Variants in FANCL observed in about 807,000 individuals in gnomAD.
The protein encoded by FANCL is FA complementation group L, also known as E3 ubiquitin-protein ligase FANCL.
Under a neutral mutation model 59.4 loss-of-function variants are expected in FANCL, and 69 were observed. The ratio of observed to expected loss-of-function variants is 1.16; its 90% CI spans 0.96 to 1.42. The LOEUF (loss-of-function observed/expected upper bound fraction) is 1.42, where lower values mean the gene tolerates loss of function less well. Ranked by LOEUF, FANCL falls within the 40% of genes most tolerant of loss-of-function variation. The pLI, the probability that FANCL is intolerant of heterozygous loss-of-function variation, is 0.00. For synonymous variants in FANCL, 180 were observed against 147.1 expected, an observed-to-expected ratio of 1.22 and a Z score of -1.62; for missense variants, 519 against 447.2, an observed-to-expected ratio of 1.16 and a Z score of -1.45.
intron 4 of FANCL, among the ~76,000 whole-genome samples, chr2:58,224,658 A>C (rs1362966742): frequency 6.6e-6 from 1 of 151,900 alleles, no homozygotes; most frequent in Non-Finnish European, 1.5e-5. Context: ...AAAACTTTCC[A>C]TTGTTAGCAA....
chr2:58,214,024 T>C (rs575194035), intron 5 of FANCL, among the ~76,000 whole-genome samples: 1 of 152,288 alleles, frequency 6.6e-6, no homozygotes, highest in South Asian at 2.1e-4. Flanking sequence ...GCCCTGTCTA[T>C]ATACACTTGT....
intron 6 of FANCL, among the ~76,000 whole-genome samples, chr2:58,203,037 A>C (rs1573694377): frequency 6.6e-6 from 1 of 151,652 alleles, no homozygotes; most frequent in Admixed American, 6.6e-5. Context: ...AAAAAAAAAA[A>C]AAAAGCACAC....
intron 7 of FANCL, among the ~76,000 whole-genome samples, chr2:58,174,637 C>T (rs1313539812): frequency 6.6e-6 from 1 of 152,048 alleles, no homozygotes; most frequent in African/African-American, 2.4e-5. Context: ...ACATTCAAAG[C>T]AGTGTGTAGA....
Position 58,229,845 on chromosome 2 carries a change from A to G in FANCL, c.185T>C (p.Ile62Thr). The G allele has an allele frequency of 6.2e-7, 1 of 1,611,260 alleles. No individual in the cohort carries two copies. ...TACTATTCGATGGTATCCACTAAGT[A>G]TTGTTCTCAGCTGCCAACTACATAA... ...RLLCSWQLRT[I>T]LSGYHRIVQQ... Residue 62 changes from isoleucine to threonine, a missense_variant, in exon 3 of 14, where the codon ATA (isoleucine) becomes ACA (threonine). Coordinates refer to ENST00000233741, the MANE Select transcript of FANCL (RefSeq NM_018062.4).
At chr2:58,172,206 G>A (rs1686717188) in intron 7 of FANCL, among the ~76,000 whole-genome samples, 1 of 152,252 alleles carries the variant, frequency 6.6e-6, no homozygotes, top group South Asian at 2.1e-4. Flanking sequence ...AGTAACCTCT[G>A]CAGACTTAAA....
In FANCL at chr2:58,163,507, A is replaced by G. The variant is rs1382419918; in HGVS notation, c.702T>C (p.Val234=). The change falls in exon 9 of 14, where the codon GTT becomes GTC. Residue 234 remains valine, a synonymous_variant. Coordinates refer to ENST00000233741, the MANE Select transcript of FANCL (RefSeq NM_018062.4). ...TARRIALGNN[V]SINIEVDPRH... ...TGGGGTCTACCTCTATATTTATGGA[A>G]ACATTATTACCTAGAATGAAACAAG... 2 of 1,594,192 alleles carry G rather than the reference A, an allele frequency of 1.3e-6. No homozygotes were observed. Among genetic ancestry groups the G allele is most frequent in the African/African-American group, 1.3e-5 (1 of 74,472 alleles).
chr2:58,228,342 G>A (rs1161844532), intron 3 of FANCL, among the ~76,000 whole-genome samples: 1 of 152,138 alleles, frequency 6.6e-6, no homozygotes, highest in Non-Finnish European at 1.5e-5. Context: ...GAACACATAT[G>A]ATTCACATCT....
At chr2:58,180,307 C>T (rs1687802773) in intron 7 of FANCL, among the ~76,000 whole-genome samples, 1 of 152,112 alleles carries the variant, frequency 6.6e-6, no homozygotes, top group Admixed American at 6.6e-5. Context: ...ATAGCAAAGA[C>T]TTGAAACCAA....
At chr2:58,238,923 C>T (rs539674506) in intron 1 of FANCL, among the ~76,000 whole-genome samples, 103 of 152,176 alleles carry the variant, frequency 6.8e-4, no homozygotes, top group African/African-American at 2.4e-3. Context: ...ATAAAACCTG[C>T]TCACTGGCCA....
At position 58,162,940 on chromosome 2, in the gene FANCL, C is replaced by G. The variant is rs1400095730; in HGVS notation, c.829G>C (p.Glu277Gln). ...LSRNIHLWDP[E>Q]NSVLQNLKDV... ...TTCAAATTTTGTAACACACTATTTT[C>G]TGGATCCCTGAAAGCATGGGGAAAA... The change falls in exon 11 of 14, where the codon GAA becomes CAA. Residue 277 changes from glutamate to glutamine, a missense_variant. Physicochemically the swap from Glu to Gln is conservative, Grantham distance 29. Coordinates refer to ENST00000233741, the MANE Select transcript of FANCL (RefSeq NM_018062.4). The G allele has an allele frequency of 6.2e-7, 1 of 1,612,984 alleles. No individual in the cohort carries two copies.
chr2:58,240,511 T>C lies in FANCL; in HGVS notation c.96+707A>G, dbSNP rs573725826. On this transcript the variant is annotated intron_variant, in intron 1 of 13. Transcript: ENST00000233741. ...ACGTCTCCGGTTTCCCATACCTTGATTTCTTCAACTAGAAAATGGGAATGA... is the reference window on the plus strand; with the variant it reads ...ACGTCTCCGGTTTCCCATACCTTGACTTCTTCAACTAGAAAATGGGAATGA... Among the ~76,000 whole-genome samples the C allele has an allele frequency of 4.6e-5, 7 of 152,378 alleles. No homozygotes were observed. The East Asian group carries it at 1.3e-3, about 29-fold the overall frequency.
chr2:58,173,305 G>A (rs1012978320), intron 7 of FANCL, among the ~76,000 whole-genome samples: 5 of 152,006 alleles, frequency 3.3e-5, no homozygotes, highest in African/African-American at 9.6e-5. Context: ...AGATACTCTC[G>A]AGAAGAGCAA....
chr2:58,229,725 A>C, intron 3 of FANCL, 89 bp downstream of exon 3: 1 of 975,172 alleles, frequency 1.0e-6, no homozygotes, highest in Middle Eastern at 2.5e-4. Context: ...AGTTTGTTAC[A>C]ACATTGTGCA....
At chr2:58,222,103 C>G in intron 4 of FANCL, 61 bp from the exon 5 acceptor site, 1 of 1,156,338 alleles carries the variant, frequency 8.6e-7, no homozygotes, top group African/African-American at 1.5e-5. Context: ...CTGTTAATAC[C>G]TGATTGCAAA....
chr2:58,213,465 T>C (rs563516921), intron 5 of FANCL: 2 of 152,376 alleles, frequency 1.3e-5, no homozygotes, highest in Admixed American at 1.3e-4. Flanking sequence ...AACAGAATTA[T>C]CTTCTTTGGC....
chr2:58,241,374 G>A, upstream of FANCL: 14 of 1,530,256 alleles, frequency 9.1e-6, no homozygotes, highest in East Asian at 2.3e-5. Context: ...CACATGCGCA[G>A]TCCGCTGGCG....
chr2:58,172,657 C>A (rs1213218530), intron 7 of FANCL, among the ~76,000 whole-genome samples: 1 of 152,080 alleles, frequency 6.6e-6, no homozygotes, highest in Non-Finnish European at 1.5e-5. Flanking sequence ...CATCAAAGAC[C>A]AAAAGTAGAT....
intron 7 of FANCL, among the ~76,000 whole-genome samples, chr2:58,175,385 A>G (rs914185648): frequency 6.6e-6 from 1 of 150,496 alleles, no homozygotes; most frequent in Non-Finnish European, 1.5e-5. Flanking sequence ...AAAATCCTCA[A>G]TAAAATACTG....
At chr2:58,179,721 T>C (rs1401853005) in intron 7 of FANCL, among the ~76,000 whole-genome samples, 2 of 150,798 alleles carry the variant, frequency 1.3e-5, no homozygotes, top group East Asian at 3.9e-4. Context: ...CAACAAAAAC[T>C]GACAAATGGG....
Sources: allele counts gnomAD v4.1 joint callset (sites outside exome capture counted in the v4.1 genomes callset), GRCh38; gene constraint gnomAD v4.1.1; transcripts MANE v1.5; gene names NCBI Gene and HGNC (gene_info 2026-07-23, HGNC 2026-07-21).